CERS5: variants seen among roughly 807,000 people sequenced by gnomAD.
CERS5 encodes LAG1 homolog, ceramide synthase 5.
Under a neutral mutation model 58.9 loss-of-function variants are expected in CERS5, and 37 were observed. The observed-to-expected ratio is 0.63, with a 90% CI of 0.48 to 0.83. CERS5 has a LOEUF of 0.83. Ranked by LOEUF, CERS5 falls within the 40% of genes least tolerant of loss-of-function variation. CERS5 has a pLI of 0.00. For synonymous variants in CERS5, 147 were observed against 177.8 expected (o/e 0.83, Z 1.38); for missense variants, 398 against 489.3 (o/e 0.81, Z 1.76).
At chr12:50,143,227 A>C in intron 2 of CERS5, 23 bp from the exon 3 acceptor site, 1 of 1,613,632 alleles carries the variant, frequency 6.2e-7, no homozygotes, top group Non-Finnish European at 8.5e-7. Flanking sequence ...AACCAGAGTC[A>C]GAACACCCGT....
At chr12:50,139,951 C>G (rs1951876581) in intron 4 of CERS5, among the ~76,000 whole-genome samples, 1 of 148,370 alleles carries the variant, frequency 6.7e-6, no homozygotes, top group Non-Finnish European at 1.5e-5. Context: ...TCTCGAACTC[C>G]TGGGCTTAAG....
At chr12:50,139,158 T>G (rs964704298) in intron 4 of CERS5, among the ~76,000 whole-genome samples, 1 of 152,198 alleles carries the variant, frequency 6.6e-6, no homozygotes, top group African/African-American at 2.4e-5. Context: ...AATCAAACCT[T>G]TCAAAGAATG....
chr12:50,157,200 G>A (rs1292033302), intron 1 of CERS5, among the ~76,000 whole-genome samples: 2 of 151,994 alleles, frequency 1.3e-5, no homozygotes, highest in Non-Finnish European at 2.9e-5. Context: ...ACTTGGACTG[G>A]CTTTCCTTGC....
chr12:50,148,572 G>A, intron 1 of CERS5: 1 of 346,104 alleles, frequency 2.9e-6, no homozygotes, highest in South Asian at 2.0e-5. Flanking sequence ...ACTCCAGTCT[G>A]GGCGACAAAG....
chr12:50,137,358 A>G (rs1024379425), intron 6 of CERS5, among the ~76,000 whole-genome samples: 1 of 152,188 alleles, frequency 6.6e-6, no homozygotes, highest in East Asian at 1.9e-4. Flanking sequence ...AGGGTCCCTA[A>G]TGCCATGTGA....
intron 8 of CERS5, 167 bp from the exon 9 acceptor site, chr12:50,134,869 C>G (rs1951546131): frequency 4.9e-6 from 3 of 614,776 alleles, no homozygotes; most frequent in Admixed American, 3.0e-5. Context: ...AAGGGAGGAG[C>G]CTGTTGTGTT....
At chr12:50,132,480 T>A (rs1276895503) in intron 9 of CERS5, among the ~76,000 whole-genome samples, 13 of 152,016 alleles carry the variant, frequency 8.6e-5, no homozygotes, top group Non-Finnish European at 1.6e-4. Flanking sequence ...CAGTGAGACC[T>A]GTGTCGGACT....
At chr12:50,140,760 C>A (rs990487370) in intron 4 of CERS5, among the ~76,000 whole-genome samples, 26 of 150,848 alleles carry the variant, frequency 1.7e-4, no homozygotes, top group African/African-American at 6.1e-4. Context: ...TATTCTTCAG[C>A]TGTTGGTGTA....
At chr12:50,148,277 T>C (rs552996713) in intron 1 of CERS5, among the ~76,000 whole-genome samples, 50 of 151,992 alleles carry the variant, frequency 3.3e-4, no homozygotes, top group African/African-American at 1.0e-3. Flanking sequence ...CACTTCAGCC[T>C]GTGTGATAGA....
rs375530444 is a variant in CERS5, at chr12:50,148,836, C to T, written c.198-4779G>A. On this transcript the variant is annotated intron_variant, in intron 1 of 9. Coordinates refer to ENST00000317551, the MANE Select transcript of CERS5 (RefSeq NM_147190.5). ...AGGAGAATTGCTTGAACCCGGGAAG[C>T]GAAGGTTGCAGTGAGCCAAGATTGC... 3.5e-3 allele frequency among the ~76,000 whole-genome samples: 491 copies of T among 142,270 alleles called. 1 individual carries two copies. Among genetic ancestry groups the T allele is most frequent in the Middle Eastern group, 0.012 (3 of 242 alleles). 93.3% of individuals were successfully genotyped at this position (142,270 alleles called of 152,430 possible). A position where few individuals can be genotyped will look rare whatever the true frequency, so the allele number is the denominator to read the frequency against.
rs150536872 is a variant in CERS5 at position 50,163,043 on chromosome 12, T to G, written c.197+4058A>C. Among the ~76,000 whole-genome samples, 36 of 152,160 alleles carry G rather than the reference T, an allele frequency of 2.4e-4. No individual in the cohort carries two copies. The East Asian group carries it at 7.0e-3, about 29-fold the overall frequency. On this transcript the variant is annotated intron_variant, in intron 1 of 9. Coordinates refer to ENST00000317551, the MANE Select transcript of CERS5 (RefSeq NM_147190.5). Reference sequence around the variant, plus strand: ...CCTCCTGAGTAGCTGGGACTACAGATGCATGCCACCACATCTGGCTAACAT... The same window carrying G: ...CCTCCTGAGTAGCTGGGACTACAGAGGCATGCCACCACATCTGGCTAACAT...
At chr12:50,141,922 A>G in intron 4 of CERS5, 131 bp downstream of exon 4, 2 of 617,450 alleles carry the variant, frequency 3.2e-6, no homozygotes, top group Non-Finnish European at 5.6e-6. Flanking sequence ...CTTGGGTGAC[A>G]GAGCAAGACT....
At chr12:50,163,410 C>A (rs1280216911) in intron 1 of CERS5, among the ~76,000 whole-genome samples, 1 of 151,584 alleles carries the variant, frequency 6.6e-6, no homozygotes, top group Non-Finnish European at 1.5e-5. Flanking sequence ...GTTAGCCAGG[C>A]TGGTCTCAAA....
intron 1 of CERS5, chr12:50,164,881 C>T (rs1221881947): frequency 6.6e-6 from 1 of 152,110 alleles, no homozygotes; most frequent in Non-Finnish European, 1.5e-5. Flanking sequence ...GGGGAAATTT[C>T]CATATTGGCA....
At chr12:50,153,831 A>G (rs1938260123) in intron 1 of CERS5, 1 of 412,272 alleles carries the variant, frequency 2.4e-6, no homozygotes, top group Non-Finnish European at 4.8e-6. Flanking sequence ...GCGCATACCC[A>G]TAATCCCAGC....
intron 1 of CERS5, among the ~76,000 whole-genome samples, chr12:50,159,381 A>G (rs1230702303): frequency 6.6e-6 from 1 of 152,178 alleles, no homozygotes; most frequent in African/African-American, 2.4e-5. Flanking sequence ...ATTTCAGAAA[A>G]TAATTTACAT....
intron 1 of CERS5, among the ~76,000 whole-genome samples, chr12:50,153,405 G>A (rs1395972749): frequency 5.5e-5 from 8 of 144,798 alleles, no homozygotes; most frequent in Non-Finnish European, 7.5e-5. Flanking sequence ...TCAGCCTCCC[G>A]AGTAGCTGGG....
chr12:50,140,284 ATT>A (rs57651378), intron 4 of CERS5, among the ~76,000 whole-genome samples: 21 of 96,232 alleles, frequency 2.2e-4, no homozygotes, highest in African/African-American at 8.1e-4. Flanking sequence ...TAACTTCCAA[ATT>A]TTTTTTTTTT....
chr12:50,137,680 A>G (rs1592349475), intron 6 of CERS5, 48 bp downstream of exon 6: 1 of 1,025,850 alleles, frequency 9.7e-7, no homozygotes, highest in East Asian at 2.4e-5. Context: ...AAGCTGCTAG[A>G]AAGGAGGATG....
Sources: gnomAD v4.1 joint callset for allele counts (sites outside exome capture counted in the v4.1 genomes callset) on GRCh38, gnomAD v4.1.1 for gene constraint, MANE v1.5 for transcripts, NCBI Gene and HGNC (gene_info 2026-07-23, HGNC 2026-07-21) for gene names.